The following ARHGAP10 variants were observed in gnomAD, a reference collection of about 807,000 sequenced individuals.
ARHGAP10 encodes rho GTPase-activating protein 10.
Under a neutral mutation model 108.6 loss-of-function variants are expected in ARHGAP10, and 87 were observed. That is an observed-to-expected ratio of 0.80 (90% CI 0.67 to 0.96). The LOEUF is 0.96. Among genes scored for constraint, ARHGAP10 ranks in the 40% least tolerant of loss-of-function variants. ARHGAP10 has a pLI of 0.00. For missense variants in ARHGAP10, 939 were observed against 954.5 expected (o/e 0.98, Z 0.21); for synonymous variants, 347 against 341.1 (o/e 1.02, Z -0.19).
At chr4:147,943,162 T>A (rs866380446) in intron 14 of ARHGAP10, among the ~76,000 whole-genome samples, 2 of 152,178 alleles carry the variant, frequency 1.3e-5, no homozygotes, top group South Asian at 2.1e-4. Context: ...CTTCCCTACT[T>A]TAGTTTAAAA....
At chr4:147,755,621 C>T (rs1579004615) in intron 1 of ARHGAP10, among the ~76,000 whole-genome samples, 2 of 152,184 alleles carry the variant, frequency 1.3e-5, no homozygotes, top group African/African-American at 2.4e-5. Flanking sequence ...TTTTCTTTGG[C>T]GAGCTGCTGG....
chr4:147,921,509 G>A (rs1737230450), intron 13 of ARHGAP10, among the ~76,000 whole-genome samples: 1 of 152,132 alleles, frequency 6.6e-6, no homozygotes, highest in East Asian at 1.9e-4. Flanking sequence ...AGAGAGTAGG[G>A]TTTATGAAGG....
intron 1 of ARHGAP10, among the ~76,000 whole-genome samples, chr4:147,820,007 G>A (rs12650219): frequency 0.78 from 118,491 of 152,040 alleles, 48,506 homozygotes; most frequent in Non-Finnish European, 0.91. Flanking sequence ...GGGTGAATGA[G>A]TAAGTGCTAT....
At chr4:147,983,437 C>G (rs1364298055) in intron 18 of ARHGAP10, among the ~76,000 whole-genome samples, 2 of 151,660 alleles carry the variant, frequency 1.3e-5, no homozygotes, top group Admixed American at 1.3e-4. Context: ...CGCCCGCCTC[C>G]TCCTCCCAAA....
intron 6 of ARHGAP10, chr4:147,865,449 T>C (rs916802974): frequency 2.0e-5 from 3 of 153,054 alleles, no homozygotes; most frequent in African/African-American, 7.2e-5. Flanking sequence ...TTTTTACTTA[T>C]ATTAGAAACA....
chr4:147,795,819 C>T (rs552132424), intron 1 of ARHGAP10, among the ~76,000 whole-genome samples: 77 of 151,734 alleles, frequency 5.1e-4, no homozygotes, highest in African/African-American at 1.8e-3. Flanking sequence ...CTCAGCCTCC[C>T]GAATAGCTGG....
chr4:147,850,241 C>T (rs893107013), intron 4 of ARHGAP10, among the ~76,000 whole-genome samples: 8 of 152,170 alleles, frequency 5.3e-5, no homozygotes, highest in African/African-American at 1.7e-4. Flanking sequence ...GATTAATCAG[C>T]GCTCTGTAAA....
intron 20 of ARHGAP10, among the ~76,000 whole-genome samples, chr4:148,060,665 C>A (rs756969035): frequency 6.6e-5 from 10 of 152,092 alleles, no homozygotes; most frequent in Non-Finnish European, 1.2e-4. Context: ...TGCACGTTGC[C>A]CCGTCTTGTG....
chr4:148,011,679 G>A lies in ARHGAP10; in HGVS notation c.1717-11584G>A, dbSNP rs565488778. ...AGGGAGATAGACTCCACCTCTTGAC[G>A]GAAAGAGTGTCAGAGAATTTGTGGC... On this transcript the variant is annotated intron_variant, in intron 18 of 22. Coordinates refer to ENST00000336498, the MANE Select transcript of ARHGAP10 (RefSeq NM_024605.4). Among the ~76,000 whole-genome samples the A allele has an allele frequency of 7.4e-4, 112 of 152,336 alleles. No homozygotes were observed. The South Asian group carries it at 0.019, about 26-fold the overall frequency.
intron 10 of ARHGAP10, among the ~76,000 whole-genome samples, chr4:147,900,107 T>A (rs1277822961): frequency 6.6e-6 from 1 of 152,228 alleles, no homozygotes; most frequent in Admixed American, 6.5e-5. Flanking sequence ...GGGTAAAGCC[T>A]GTCTTCTACA....
At chr4:147,873,738 A>G (rs6855559) in intron 7 of ARHGAP10, among the ~76,000 whole-genome samples, 147,902 of 148,484 alleles carry the variant, frequency 1, 73,664 homozygotes, top group East Asian at 1. Flanking sequence ...GGCCTGGTGT[A>G]GTGGTGTGCG....
At chr4:147,879,111 T>C in intron 8 of ARHGAP10, 121 bp from the exon 9 acceptor site, 1 of 709,112 alleles carries the variant, frequency 1.4e-6, no homozygotes. Flanking sequence ...CTGATTTGTT[T>C]CATTGATTCA....
intron 10 of ARHGAP10, among the ~76,000 whole-genome samples, chr4:147,898,292 T>C (rs1736081304): frequency 6.6e-6 from 1 of 152,140 alleles, no homozygotes; most frequent in Non-Finnish European, 1.5e-5. Flanking sequence ...TAGAATTGTT[T>C]TCATAGATTT....
chr4:147,831,788 T>A (rs2126797936), intron 3 of ARHGAP10, among the ~76,000 whole-genome samples: 1 of 152,282 alleles, frequency 6.6e-6, no homozygotes, highest in Admixed American at 6.5e-5. Context: ...TGACTCAGAA[T>A]CCTATAGAGA....
chr4:148,040,802 T>C (rs1268127857), intron 19 of ARHGAP10, among the ~76,000 whole-genome samples: 1 of 147,396 alleles, frequency 6.8e-6, no homozygotes, highest in African/African-American at 2.7e-5. Flanking sequence ...TTTTTATTTA[T>C]TAAAAAAGAT....
At chr4:147,789,710 G>A (rs1056828001) in intron 1 of ARHGAP10, among the ~76,000 whole-genome samples, 2 of 152,196 alleles carry the variant, frequency 1.3e-5, no homozygotes, top group Non-Finnish European at 2.9e-5. Context: ...TAACTGGCCT[G>A]CCCAGTGCAC....
In ARHGAP10 at chr4:148,002,441, G is replaced by T. The variant is rs1740758766; in HGVS notation, c.1717-20822G>T. On this transcript the variant is annotated intron_variant, in intron 18 of 22. Coordinates refer to ENST00000336498, the MANE Select transcript of ARHGAP10 (RefSeq NM_024605.4). ...TGCTGGCCTCATCAAATGAGTTAGG[G>T]AGGATTTCCTCTTTTTCTATTGATT... Among the ~76,000 whole-genome samples, 3 of 152,214 alleles carry T rather than the reference G, an allele frequency of 2.0e-5. 1 individual carries two copies. In the South Asian group the frequency reaches 6.2e-4, roughly 31 times the overall value.
chr4:147,920,704 G>C (rs1274315531), intron 13 of ARHGAP10, among the ~76,000 whole-genome samples: 1 of 152,186 alleles, frequency 6.6e-6, no homozygotes, highest in African/African-American at 2.4e-5. Context: ...AAGTGTACCA[G>C]ATGATCAAAA....
Position 147,877,819 on chromosome 4 carries a change from C to CTTTTTTTTTTTTTTTTTTT in ARHGAP10, c.833-1398_833-1397insTTTTTTTTTTTTTTTTTTT, listed in dbSNP as rs549355620. On this transcript the variant is annotated intron_variant, in intron 8 of 22. Coordinates refer to ENST00000336498, the MANE Select transcript of ARHGAP10 (RefSeq NM_024605.4). ...AGTCTTAGATTTCTTATTCTTCATA[C>CTTTTTTTTTTTTTTTTTTT]TTTTTTTTTTTTTTTGCTGAGATTA... 3.0e-4 allele frequency among the ~76,000 whole-genome samples: 40 copies of CTTTTTTTTTTTTTTTTTTT among 131,434 alleles called. 1 individual carries two copies. Among genetic ancestry groups the CTTTTTTTTTTTTTTTTTTT allele is most frequent in the African/African-American group, 1.1e-3 (36 of 31,780 alleles). 86.2% of individuals were successfully genotyped at this position (131,434 alleles called of 152,430 possible).
Sources: allele counts gnomAD v4.1 joint callset (sites outside exome capture counted in the v4.1 genomes callset), GRCh38; gene constraint gnomAD v4.1.1; transcripts MANE v1.5; gene names NCBI Gene and HGNC (gene_info 2026-07-23, HGNC 2026-07-21).